Variants in BMPER observed in about 807,000 individuals in gnomAD.
BMPER encodes BMP-binding endothelial regulator protein.
Under a neutral mutation model 87.3 loss-of-function variants are expected in BMPER, and 45 were observed. The observed-to-expected ratio is 0.52, with a 90% CI of 0.41 to 0.66. BMPER has a LOEUF of 0.66. BMPER is among the 30% of genes least tolerant of loss of function. The pLI is 0.00. For missense variants in BMPER, 784 were observed against 867.5 expected (o/e 0.90, Z 1.21); for synonymous variants, 326 against 316.2 (o/e 1.03, Z -0.33).
intron 11 of BMPER, among the ~76,000 whole-genome samples, chr7:34,067,946 G>A (rs534738404): frequency 4.7e-4 from 72 of 152,298 alleles, no homozygotes; most frequent in Middle Eastern, 6.8e-3. Context: ...ACCACCTATT[G>A]TCAATTCCCA....
chr7:34,118,446 G>A (rs1790173262), intron 13 of BMPER, among the ~76,000 whole-genome samples: 1 of 152,188 alleles, frequency 6.6e-6, no homozygotes, highest in Admixed American at 6.5e-5. Flanking sequence ...CAAAGAGGGG[G>A]AGCATTTCCA....
chr7:34,069,007 A>AC (rs1788667534), intron 11 of BMPER, among the ~76,000 whole-genome samples: 1 of 152,224 alleles, frequency 6.6e-6, no homozygotes, highest in East Asian at 1.9e-4. Context: ...GCATTATGAC[A>AC]TAGTTCAATT....
intron 3 of BMPER, among the ~76,000 whole-genome samples, chr7:33,947,832 G>A (rs375432499): frequency 6.6e-6 from 1 of 152,082 alleles, no homozygotes; most frequent in Middle Eastern, 3.4e-3. Flanking sequence ...GTGCTGCTTC[G>A]AGAATGACCT....
chr7:34,041,880 G>A (rs775679578), intron 6 of BMPER, among the ~76,000 whole-genome samples: 2 of 152,100 alleles, frequency 1.3e-5, no homozygotes, highest in Non-Finnish European at 2.9e-5. Context: ...TAACGGGTTA[G>A]CACTGCACTA....
chr7:33,905,619 C>T lies in BMPER; in HGVS notation c.6C>T (p.Leu2=), dbSNP rs1467919351. Residue 2 remains leucine, a synonymous_variant, in exon 1 of 15, where the codon CTC becomes CTT. Coordinates refer to ENST00000649409, the MANE Select transcript of BMPER (RefSeq NM_001365308.1). The part of the protein sequence containing the change: M[L]WFSGVGALAE... ...GGGATTCCCTCCAGGTGACGATGCT[C>T]TGGTTCTCCGGCGTCGGGGCTCTGG... 6.2e-7 allele frequency: 1 copy of T among 1,612,714 alleles called. No homozygotes were observed. Among genetic ancestry groups the T allele is most frequent in the East Asian group, 2.2e-5 (1 of 44,842 alleles).
At chr7:34,061,842 C>T (rs1426253371) in intron 10 of BMPER, among the ~76,000 whole-genome samples, 160 bp from the exon 11 acceptor site, 1 of 152,180 alleles carries the variant, frequency 6.6e-6, no homozygotes, top group Non-Finnish European at 1.5e-5. Flanking sequence ...ACTTCATTTT[C>T]ACCATCTTCA....
At chr7:33,970,284 G>T (rs750507325) in intron 4 of BMPER, 45 bp from the exon 5 acceptor site, 3 of 1,584,550 alleles carry the variant, frequency 1.9e-6, no homozygotes, top group Admixed American at 3.3e-5. Context: ...TAGTAACTCC[G>T]TGGGAATTCT....
intron 2 of BMPER, among the ~76,000 whole-genome samples, chr7:33,936,473 T>G (rs1784605255): frequency 6.6e-6 from 1 of 152,172 alleles, no homozygotes; most frequent in African/African-American, 2.4e-5. Context: ...CACACAGAAT[T>G]TTAGTGAGAA....
chr7:34,129,662 A>AAGAAAGAAAGAAAGAAAG (rs1790526659), intron 13 of BMPER, among the ~76,000 whole-genome samples: 2 of 151,210 alleles, frequency 1.3e-5, no homozygotes, highest in African/African-American at 4.9e-5. Context: ...GAAAGAAAGA[A>AAGAAAGAAAGAAAGAAAG]AGAAAGAAAG....
At chr7:34,118,147 A>G (rs550395485) in intron 13 of BMPER, among the ~76,000 whole-genome samples, 6 of 152,170 alleles carry the variant, frequency 3.9e-5, no homozygotes, top group African/African-American at 1.4e-4. Flanking sequence ...TCTACTAAAA[A>G]TATAAAAATT....
intron 3 of BMPER, among the ~76,000 whole-genome samples, chr7:33,947,689 T>C (rs1784921174): frequency 6.6e-6 from 1 of 152,202 alleles, no homozygotes; most frequent in Non-Finnish European, 1.5e-5. Flanking sequence ...TTTAAGAGAA[T>C]TGAGCTCATG....
At chr7:33,944,713 T>C (rs1405946626) in intron 3 of BMPER, among the ~76,000 whole-genome samples, 5 of 152,330 alleles carry the variant, frequency 3.3e-5, no homozygotes, top group Non-Finnish European at 7.3e-5. Flanking sequence ...TTATCGTTTA[T>C]TCTATGTGTA....
chr7:34,053,260 A>G (rs1452257201), intron 8 of BMPER, among the ~76,000 whole-genome samples: 1 of 152,212 alleles, frequency 6.6e-6, no homozygotes, highest in African/African-American at 2.4e-5. Flanking sequence ...TCTTGGGGAT[A>G]TTAAATGCTT....
chr7:34,069,751 A>G (rs1788690529), intron 11 of BMPER, among the ~76,000 whole-genome samples: 1 of 152,150 alleles, frequency 6.6e-6, no homozygotes, highest in African/African-American at 2.4e-5. Context: ...ACTTTTTAAA[A>G]ATGTACCTAC....
At chr7:34,141,381 G>A (rs1790864641) in intron 13 of BMPER, among the ~76,000 whole-genome samples, 1 of 151,990 alleles carries the variant, frequency 6.6e-6, no homozygotes, top group Non-Finnish European at 1.5e-5. Context: ...AGGCCGAGGT[G>A]GGTGGATCAT....
intron 6 of BMPER, among the ~76,000 whole-genome samples, chr7:34,027,829 A>G (rs1787398447): frequency 6.6e-6 from 1 of 152,074 alleles, no homozygotes; most frequent in Non-Finnish European, 1.5e-5. Context: ...GCTCTGTAAT[A>G]CTCATATAAT....
intron 13 of BMPER, among the ~76,000 whole-genome samples, chr7:34,111,636 AT>A (rs1474595764): frequency 1.3e-5 from 2 of 152,228 alleles, no homozygotes; most frequent in African/African-American, 2.4e-5. Context: ...TTTCAACCCT[AT>A]AAAAAGAAAA....
chr7:33,928,178 T>G (rs115138202), intron 2 of BMPER, among the ~76,000 whole-genome samples: 1 of 152,058 alleles, frequency 6.6e-6, no homozygotes, highest in Non-Finnish European at 1.5e-5. Context: ...ACTGAGGCAT[T>G]TGGGCCCAGT....
chr7:34,112,237 G>C lies in BMPER; in HGVS notation c.1745+26145G>C, dbSNP rs184149801. On this transcript the variant is annotated intron_variant, in intron 13 of 14. Coordinates refer to ENST00000649409, the MANE Select transcript of BMPER (RefSeq NM_001365308.1). ...AGGCCAGGCGCGGTGGCTCACACCT[G>C]TAATCCCAGCACTTTTGGAGGCTGA... Among the ~76,000 whole-genome samples, 189 of 152,144 alleles carry C rather than the reference G, an allele frequency of 1.2e-3. 2 individuals are homozygous for C. The highest frequency in any genetic ancestry group is 2.4e-3 in the Admixed American group (36 of 15,274).
Sources: allele counts gnomAD v4.1 joint callset (sites outside exome capture counted in the v4.1 genomes callset), GRCh38; gene constraint gnomAD v4.1.1; transcripts MANE v1.5; gene names NCBI Gene and HGNC (gene_info 2026-07-23, HGNC 2026-07-21).